Variants in KALRN observed in about 807,000 individuals in gnomAD.
KALRN encodes kalirin.
KALRN carries 70 observed loss-of-function variants against 353.7 expected under a neutral mutation model. The observed-to-expected ratio is 0.20, with a 90% confidence interval of 0.16 to 0.24. The LOEUF (loss-of-function observed/expected upper bound fraction) is 0.24. Among genes scored for constraint, KALRN ranks in the 10% least tolerant of loss-of-function variants. The probability of loss-of-function intolerance (pLI) is 1.00; values close to 1 mark genes in which losing one functional copy is unlikely to be tolerated. For synonymous variants in KALRN, 1,391 were observed against 1,434.8 expected, an observed-to-expected ratio of 0.97 and a Z score of 0.69; for missense variants, 2,791 against 3,756.7, an observed-to-expected ratio of 0.74 and a Z score of 6.72.
intron 5 of KALRN, among the ~76,000 whole-genome samples, chr3:124,270,830 T>G (rs28548626): frequency 1.3e-3 from 23 of 17,920 alleles, no homozygotes; most frequent in African/African-American, 3.0e-3. Context: ...TTTTGTTTTT[T>G]TTTTTTTTTT....
chr3:124,246,774 G>A (rs984083813), intron 3 of KALRN, among the ~76,000 whole-genome samples: 1 of 152,182 alleles, frequency 6.6e-6, no homozygotes, highest in African/African-American at 2.4e-5. Flanking sequence ...AATGTCAGGT[G>A]AAATAAGATC....
chr3:124,624,649 T>C (rs917866042), intron 34 of KALRN, among the ~76,000 whole-genome samples: 1 of 152,006 alleles, frequency 6.6e-6, no homozygotes, highest in African/African-American at 2.4e-5. Context: ...TACCTCCTCA[T>C]AGAGTCCTTC....
intron 28 of KALRN, among the ~76,000 whole-genome samples, chr3:124,483,144 T>C (rs572735963): frequency 6.6e-6 from 1 of 152,380 alleles, no homozygotes; most frequent in South Asian, 2.1e-4. Flanking sequence ...TACCTACCAC[T>C]GCACAGCTTT....
chr3:124,596,979 C>T (rs868396136), intron 34 of KALRN, among the ~76,000 whole-genome samples: 5 of 151,700 alleles, frequency 3.3e-5, no homozygotes, highest in African/African-American at 7.3e-5. Context: ...ACCCGGGAGG[C>T]GGAGGTTGCA....
intron 1 of KALRN, among the ~76,000 whole-genome samples, chr3:124,142,533 A>G (rs779706434): frequency 1.3e-5 from 2 of 152,218 alleles, no homozygotes; most frequent in Non-Finnish European, 2.9e-5. Context: ...GCCTGGTTAC[A>G]GTACCTGAAG....
At chr3:124,182,507 G>A (rs558296756) in intron 1 of KALRN, among the ~76,000 whole-genome samples, 4 of 152,288 alleles carry the variant, frequency 2.6e-5, no homozygotes, top group African/African-American at 9.6e-5. Context: ...ATCAAAGCCA[G>A]CAAGAAAGAG....
At chr3:124,671,980 G>A (rs866445175) in intron 48 of KALRN, 82 bp downstream of exon 48, 18 of 1,073,666 alleles carry the variant, frequency 1.7e-5, no homozygotes, top group South Asian at 1.3e-4. Flanking sequence ...AAGGAGTCTC[G>A]GTCTGTCATC....
chr3:124,280,865 C>T (rs906832661), intron 5 of KALRN, among the ~76,000 whole-genome samples: 1 of 152,164 alleles, frequency 6.6e-6, no homozygotes, highest in African/African-American at 2.4e-5. Context: ...AAAAGCCCAA[C>T]TCAAGGGTAT....
At chr3:124,189,094 A>G (rs2074588428) in intron 1 of KALRN, among the ~76,000 whole-genome samples, 1 of 152,188 alleles carries the variant, frequency 6.6e-6, no homozygotes, top group East Asian at 1.9e-4. Flanking sequence ...TGTTCACTAT[A>G]TGAACATCCT....
At chr3:124,400,791 C>A (rs1050499241) in intron 13 of KALRN, among the ~76,000 whole-genome samples, 38 of 152,180 alleles carry the variant, frequency 2.5e-4, no homozygotes, top group African/African-American at 8.9e-4. Context: ...ATTTTGCCCA[C>A]TGGGAGAGAA....
chr3:124,232,364 C>T (rs2079261120), intron 2 of KALRN, among the ~76,000 whole-genome samples: 1 of 152,198 alleles, frequency 6.6e-6, no homozygotes, highest in Non-Finnish European at 1.5e-5. Context: ...CCTAAGCCTA[C>T]CCTGACCCTG....
At position 124,336,715 on chromosome 3, in the gene KALRN, G is replaced by C. The variant is rs527607301; in HGVS notation, c.1647+2220G>C. Among the ~76,000 whole-genome samples the C allele has an allele frequency of 7.2e-4, 109 of 152,250 alleles. 1 individual carries two copies. The highest frequency in any genetic ancestry group is 2.5e-3 in the African/African-American group (104 of 41,540). Reference sequence around the variant, plus strand: ...TTCTGCATCATGCTTTCAAAAATGAGAGCCTTTCTGAAATTAAGACCCTGT... The same window carrying C: ...TTCTGCATCATGCTTTCAAAAATGACAGCCTTTCTGAAATTAAGACCCTGT... On this transcript the variant is annotated intron_variant, in intron 9 of 59. Transcript: ENST00000682506.
At chr3:124,473,542 C>G (rs2061148740) in intron 25 of KALRN, among the ~76,000 whole-genome samples, 1 of 152,140 alleles carries the variant, frequency 6.6e-6, no homozygotes, top group Non-Finnish European at 1.5e-5. Context: ...TTCTTCTGTA[C>G]CTTTTTCCAC....
intron 33 of KALRN, among the ~76,000 whole-genome samples, chr3:124,499,787 C>T (rs377125925): frequency 1.3e-5 from 2 of 152,176 alleles, no homozygotes; most frequent in South Asian, 2.1e-4. Flanking sequence ...AATTGTACCA[C>T]GTTTTACCAG....
intron 1 of KALRN, among the ~76,000 whole-genome samples, chr3:124,111,239 A>G (rs534602477): frequency 1.3e-5 from 2 of 152,310 alleles, no homozygotes; most frequent in East Asian, 3.9e-4. Flanking sequence ...TGGCTGCCGT[A>G]ACTCCATATG....
intron 1 of KALRN, among the ~76,000 whole-genome samples, chr3:124,038,152 CA>C (rs1216714801): frequency 2.6e-5 from 4 of 152,254 alleles, no homozygotes; most frequent in East Asian, 3.9e-4. Flanking sequence ...GAAGTGGCAG[CA>C]GAGGAGACTT....
At chr3:124,179,395 A>C (rs188564293) in intron 1 of KALRN, among the ~76,000 whole-genome samples, 2 of 152,230 alleles carry the variant, frequency 1.3e-5, no homozygotes, top group Non-Finnish European at 2.9e-5. Context: ...TCTCACTGGA[A>C]GGTCTTCAGG....
intron 1 of KALRN, among the ~76,000 whole-genome samples, chr3:124,167,506 A>G (rs967737656): frequency 2.6e-5 from 4 of 152,212 alleles, no homozygotes; most frequent in Non-Finnish European, 4.4e-5. Context: ...GATGGTTTTT[A>G]GTGGCTTCTC....
chr3:124,438,971 A>C lies in KALRN; in HGVS notation c.3132A>C (p.Ala1044=), dbSNP rs201573679. 7.4e-6 allele frequency: 12 copies of C among 1,614,054 alleles called. No individual in the cohort carries two copies. The Admixed American group carries it at 1.7e-4, about 22-fold the overall frequency. The change falls in exon 18 of 60, where the codon GCA becomes GCC. Residue 1044 remains alanine, a synonymous_variant. Transcript: ENST00000682506. ...WCGGRDKLGP[A]AEIDHVIPLI... ...GTGGACGAGATAAGCTGGGGCCAGC[A>C]GCAGAGATCGACCATGTCATTCCCC...
Sources: allele counts gnomAD v4.1 joint callset (sites outside exome capture counted in the v4.1 genomes callset), GRCh38; gene constraint gnomAD v4.1.1; transcripts MANE v1.5; gene names NCBI Gene and HGNC (gene_info 2026-07-23, HGNC 2026-07-21).